Variants in SLCO1C1 observed in about 807,000 individuals in gnomAD.
SLCO1C1 encodes the protein solute carrier organic anion transporter family member 1C1.
Under a neutral mutation model 76.4 loss-of-function variants are expected in SLCO1C1, and 70 were observed. That is an observed-to-expected ratio of 0.92 (90% CI 0.76 to 1.12). SLCO1C1 has a LOEUF of 1.12. Ranked by LOEUF, SLCO1C1 falls within the 50% of genes most tolerant of loss-of-function variation. The pLI is 0.00. For missense variants in SLCO1C1, 912 were observed against 823.8 expected, an observed-to-expected ratio of 1.11 and a Z score of -1.31; for synonymous variants, 306 against 286.1, an observed-to-expected ratio of 1.07 and a Z score of -0.70.
intron 13 of SLCO1C1, 52 bp from the exon 14 acceptor site, chr12:20,750,623 G>C: frequency 6.6e-7 from 1 of 1,522,916 alleles, no homozygotes; most frequent in Non-Finnish European, 9.1e-7. Context: ...ATCGTTCATA[G>C]ACAAAAAGAT....
intron 9 of SLCO1C1, among the ~76,000 whole-genome samples, chr12:20,732,566 TTA>T (rs1375060598): frequency 6.6e-6 from 1 of 152,226 alleles, no homozygotes; most frequent in Non-Finnish European, 1.5e-5. Context: ...TATGTGCCTA[TTA>T]TTTTTTATAT....
chr12:20,700,242 T>C (rs1946458182), intron 2 of SLCO1C1: 1 of 151,940 alleles, frequency 6.6e-6, no homozygotes, highest in Non-Finnish European at 1.5e-5. Flanking sequence ...AACCAGTTTT[T>C]ATTTTTTGTT....
intron 9 of SLCO1C1, among the ~76,000 whole-genome samples, chr12:20,732,224 T>C (rs911651055): frequency 2.6e-5 from 4 of 152,240 alleles, no homozygotes; most frequent in African/African-American, 9.6e-5. Flanking sequence ...ATAGCAGTGA[T>C]TGAAAGCATA....
Position 20,752,182 on chromosome 12 carries a change from CTTTTAT to C in SLCO1C1, c.1917-123_1917-118del, listed in dbSNP as rs896454585. ...GTCTGTCAGTATTTCATAAAACAGT[CTTTTAT>C]ATAAGCCACCAAATCTACATTCTTA... On this transcript the variant is annotated intron_variant, in intron 14 of 14. Coordinates refer to ENST00000266509, the MANE Select transcript of SLCO1C1 (RefSeq NM_017435.5). The C allele has an allele frequency of 1.6e-5, 10 of 624,116 alleles. No homozygotes were observed. The African/African-American group carries it at 1.8e-4, about 11-fold the overall frequency. The allele number at this position is 624,116 out of a possible 1,614,324, so 38.7% of individuals were successfully genotyped here.
At chr12:20,699,829 AT>A (rs1210275261) in intron 2 of SLCO1C1, 124 bp downstream of exon 2, 1 of 1,175,594 alleles carries the variant, frequency 8.5e-7, no homozygotes, top group East Asian at 2.9e-5. Context: ...CTTAGATGCA[AT>A]TTACTAAAAC....
intron 12 of SLCO1C1, among the ~76,000 whole-genome samples, chr12:20,740,797 A>ATATATATATATATATATATATG (rs1565541746): frequency 3.3e-5 from 4 of 122,006 alleles, no homozygotes; most frequent in African/African-American, 1.2e-4. Flanking sequence ...TTATATATAT[A>ATATATATATATATATATATATG]TATATATATA....
intron 9 of SLCO1C1, among the ~76,000 whole-genome samples, chr12:20,727,718 C>T (rs1948089796): frequency 6.6e-6 from 1 of 152,136 alleles, no homozygotes; most frequent in Admixed American, 6.5e-5. Flanking sequence ...ACTGTGTTAG[C>T]CAGGATGGTC....
intron 9 of SLCO1C1, among the ~76,000 whole-genome samples, chr12:20,729,344 TA>T: frequency 6.6e-6 from 1 of 152,184 alleles, no homozygotes; most frequent in Non-Finnish European, 1.5e-5. Flanking sequence ...GAGAGTAAGA[TA>T]TGCAGGAGAA....
intron 10 of SLCO1C1, among the ~76,000 whole-genome samples, chr12:20,735,011 C>T (rs1190968237): frequency 6.6e-6 from 1 of 152,174 alleles, no homozygotes; most frequent in East Asian, 1.9e-4. Flanking sequence ...TTTGTTAAAA[C>T]TCGTCTTATA....
Position 20,740,215 on chromosome 12 carries a change from C to T in SLCO1C1, c.1580C>T (p.Ala527Val). ...TACAACTGCACTTGTGTGGGAATTG[C>T]AGCTTCTAAATCCGGAAATTCCTCA... Reference protein sequence around the residue: ...IFYNCTCVGIAASKSGNSSGI... With the variant: ...IFYNCTCVGIVASKSGNSSGI... Residue 527 changes from alanine to valine, a missense_variant, in exon 12 of 15, where the codon GCA becomes GTA. Ala to Val is a moderately conservative substitution (Grantham distance 64). Coordinates refer to ENST00000266509, the MANE Select transcript of SLCO1C1 (RefSeq NM_017435.5). 5.6e-6 allele frequency: 9 copies of T among 1,612,602 alleles called. No homozygotes were observed. The highest frequency in any genetic ancestry group is 7.6e-6 in the Non-Finnish European group (9 of 1,179,534).
intron 9 of SLCO1C1, among the ~76,000 whole-genome samples, chr12:20,730,577 G>T (rs1025742493): frequency 6.6e-6 from 1 of 152,056 alleles, no homozygotes; most frequent in Non-Finnish European, 1.5e-5. Context: ...GCTGTTCAAG[G>T]TTCCAGATTT....
At chr12:20,740,409 A>C in intron 12 of SLCO1C1, 41 bp downstream of exon 12, 1 of 1,543,062 alleles carries the variant, frequency 6.5e-7, no homozygotes, top group Non-Finnish European at 8.8e-7. Flanking sequence ...AACACAAGAC[A>C]CAATCATCTC....
intron 6 of SLCO1C1, 146 bp downstream of exon 6, chr12:20,715,431 C>T (rs1156786037): frequency 4.4e-6 from 4 of 902,108 alleles, no homozygotes; most frequent in Non-Finnish European, 6.6e-6. Flanking sequence ...CTGAAGTGCA[C>T]AGTTCAGATT....
intron 12 of SLCO1C1, 86 bp downstream of exon 12, chr12:20,740,454 T>C (rs1050597758): frequency 2.5e-6 from 3 of 1,219,472 alleles, no homozygotes; most frequent in African/African-American, 1.6e-5. Context: ...GTGGAGTCTA[T>C]GATTCCTCTT....
chr12:20,711,320 A>G lies in SLCO1C1; in HGVS notation c.405-66A>G, dbSNP rs1262817048. 2.6e-6 allele frequency: 4 copies of G among 1,547,666 alleles called. No individual in the cohort carries two copies. In the East Asian group the frequency reaches 6.8e-5, roughly 26 times the overall value. ...CTGGTACCCTAACGATTCGTGTAGC[A>G]TACACATAATATTCTTAGTATGATG... On this transcript the variant is annotated intron_variant, in intron 4 of 14. Transcript: ENST00000266509.
intron 1 of SLCO1C1, among the ~76,000 whole-genome samples, chr12:20,697,723 A>G (rs950972761): frequency 6.6e-6 from 1 of 152,044 alleles, no homozygotes; most frequent in Non-Finnish European, 1.5e-5. Flanking sequence ...TAATTAACCA[A>G]TTGTTGCATC....
Position 20,752,477 on chromosome 12 carries a change from T to C in SLCO1C1, c.2088T>C (p.Ser696=). The change falls in exon 15 of 15, where the codon AGT becomes AGC. Residue 696 remains serine (S), a synonymous_variant. Transcript: ENST00000266509. The part of the protein sequence containing the change: ...TRFQKENYTT[S]DHLLQPNYWP... Reference sequence around the variant, plus strand: ...TCCAAAAGGAAAATTACACTACAAGTGATCATCTGCTACAACCCAACTACT... The same window carrying C: ...TCCAAAAGGAAAATTACACTACAAGCGATCATCTGCTACAACCCAACTACT... 6.2e-7 allele frequency: 1 copy of C among 1,611,600 alleles called. No homozygotes were observed. The highest frequency in any genetic ancestry group is 8.5e-7 in the Non-Finnish European group (1 of 1,178,516).
intron 7 of SLCO1C1, among the ~76,000 whole-genome samples, chr12:20,720,997 CAA>C (rs35297084): frequency 4.8e-4 from 21 of 43,980 alleles, no homozygotes; most frequent in Non-Finnish European, 6.1e-4. Flanking sequence ...AACTCCATCT[CAA>C]AAAAAAAAAA....
chr12:20,702,934 T>A (rs541096148), intron 3 of SLCO1C1, among the ~76,000 whole-genome samples: 6 of 151,920 alleles, frequency 3.9e-5, no homozygotes, highest in Admixed American at 3.9e-4. Flanking sequence ...CAGGTCCTGA[T>A]GCAACTTGAG....
Sources: gnomAD v4.1 joint callset for allele counts (sites outside exome capture counted in the v4.1 genomes callset) on GRCh38, gnomAD v4.1.1 for gene constraint, MANE v1.5 for transcripts, NCBI Gene and HGNC (gene_info 2026-07-23, HGNC 2026-07-21) for gene names.